Variants in HERC3 observed in about 807,000 individuals in gnomAD.
The protein encoded by HERC3 is probable E3 ubiquitin-protein ligase HERC3.
HERC3 carries 58 observed loss-of-function variants against 129.9 expected under a neutral mutation model. The ratio of observed to expected loss-of-function variants is 0.45; its 90% CI spans 0.36 to 0.56. The LOEUF (loss-of-function observed/expected upper bound fraction) is 0.56. Ranked by LOEUF, HERC3 falls within the 20% of genes least tolerant of loss-of-function variation. The probability of loss-of-function intolerance (pLI) is 0.00; values close to 1 mark genes in which losing one functional copy is unlikely to be tolerated. For synonymous variants in HERC3, 430 were observed against 451.0 expected (o/e 0.95, Z 0.59); for missense variants, 835 against 1,244.2 (o/e 0.67, Z 4.95).
rs1729093123 is a variant in HERC3, at chr4:88,649,898, C to T, written c.285C>T (p.His95=). The change falls in exon 4 of 26, where the codon CAC becomes CAT. Residue 95 remains histidine (H), a synonymous_variant. Transcript: ENST00000402738. ...TTCATGTGGCATGTGGCGAGTCCCA[C>T]AGTCTGGCCCTCAGTGACCGAGGCC... ...HIIHVACGES[H]SLALSDRGQL... is the part of the protein sequence containing the mutation. 6.2e-7 allele frequency: 1 copy of T among 1,614,092 alleles called. No homozygotes were observed. Among genetic ancestry groups the T allele is most frequent in the Non-Finnish European group, 8.5e-7 (1 of 1,179,988 alleles).
rs529881860 is a variant in HERC3 at position 88,672,591 on chromosome 4, G to T, written c.1911+2339G>T. ...TGATGTGTGTTGGCATTTTTAGCTT[G>T]TTAATAGCTGAGGCTGTGTAGTATA... On this transcript the variant is annotated intron_variant, in intron 16 of 25. Transcript: ENST00000402738. Among the ~76,000 whole-genome samples the T allele has an allele frequency of 3.3e-5, 5 of 152,276 alleles. No homozygotes were observed. In the East Asian group the frequency reaches 9.6e-4, roughly 29 times the overall value.
intron 2 of HERC3, among the ~76,000 whole-genome samples, chr4:88,605,426 T>C (rs1246705212): frequency 6.6e-6 from 1 of 152,192 alleles, no homozygotes; most frequent in African/African-American, 2.4e-5. Context: ...TGAGAAAGGA[T>C]AAGGTGAAGT....
intron 2 of HERC3, among the ~76,000 whole-genome samples, chr4:88,601,184 A>G (rs1730052790): frequency 6.6e-6 from 1 of 152,228 alleles, no homozygotes; most frequent in Non-Finnish European, 1.5e-5. Context: ...TCTGTGTAAG[A>G]CAGCAAATTG....
At chr4:88,624,798 T>G (rs1224157221) in intron 3 of HERC3, among the ~76,000 whole-genome samples, 1 of 152,238 alleles carries the variant, frequency 6.6e-6, no homozygotes, top group Admixed American at 6.5e-5. Flanking sequence ...TAATGATTGT[T>G]TTCCTAAGTT....
In HERC3 at chr4:88,613,973, TGATA is replaced by T. The variant is rs573706097; in HGVS notation, c.226+7925_226+7928del. On this transcript the variant is annotated intron_variant, in intron 3 of 25. Coordinates refer to ENST00000402738, the MANE Select transcript of HERC3 (RefSeq NM_014606.3). ...AATTGATCGGAATTTTTTTTCTGTC[TGATA>T]CTCAGCCTACATTCTATAAAGATAC... is the stretch of plus-strand genomic sequence containing the variant. 7.5e-3 allele frequency among the ~76,000 whole-genome samples: 1,145 copies of T among 152,232 alleles called. 9 individuals carry two copies. The highest frequency in any genetic ancestry group is 0.013 in the Non-Finnish European group (855 of 68,012).
intron 25 of HERC3, among the ~76,000 whole-genome samples, chr4:88,704,863 CTT>C (rs1165694315): frequency 1.8e-4 from 23 of 130,554 alleles, no homozygotes; most frequent in Admixed American, 2.2e-4. Flanking sequence ...TTCTTTCTTT[CTT>C]TTTTTTTTTT....
chr4:88,570,762 T>TTTTATTTATTTA, the HERC3 span, among the ~76,000 whole-genome samples: 14 of 149,618 alleles, frequency 9.4e-5, no homozygotes, highest in East Asian at 2.0e-3. Flanking sequence ...TTTATTTTAT[T>TTTTATTTATTTA]TTTATTTATT....
rs1560720400 is a variant in HERC3 at position 88,652,106 on chromosome 4, A to G, written c.463+18A>G. The stretch of plus-strand genomic sequence containing the variant: ...TGCGGCTGGTAAAGTAACATTAAAC[A>G]TATGCTAATGCTATGTTAATTTTGA... On this transcript the variant is annotated intron_variant, in intron 5 of 25. Coordinates refer to ENST00000402738, the MANE Select transcript of HERC3 (RefSeq NM_014606.3). 6.6e-7 allele frequency: 1 copy of G among 1,522,822 alleles called. No homozygotes were observed. The highest frequency in any genetic ancestry group is 9.1e-7 in the Non-Finnish European group (1 of 1,096,994). 94.3% of individuals were successfully genotyped at this position (1,522,822 alleles called of 1,614,324 possible). A position where few individuals can be genotyped will look rare whatever the true frequency, so the allele number is the denominator to read the frequency against.
In HERC3 at chr4:88,697,348, C is replaced by T. The variant is rs746768709; in HGVS notation, c.2658-6750C>T. 1.5e-5 allele frequency: 24 copies of T among 1,613,796 alleles called. No individual in the cohort carries two copies. The highest frequency in any genetic ancestry group is 1.8e-5 in the Non-Finnish European group (21 of 1,179,944). On this transcript the variant is annotated intron_variant, in intron 23 of 25. Coordinates refer to ENST00000402738, the MANE Select transcript of HERC3 (RefSeq NM_014606.3). ...GTACTCCTCTTCCTCCTCCTCCTCC[C>T]CCTCCAAGGTCCATGCACACCCCTC...
chr4:88,623,147 C>G (rs1000009906), intron 3 of HERC3, among the ~76,000 whole-genome samples: 4 of 152,168 alleles, frequency 2.6e-5, no homozygotes, highest in African/African-American at 9.7e-5. Flanking sequence ...ACATCAGATT[C>G]ACCTGGGCAA....
chr4:88,534,511 T>G, the HERC3 span, among the ~76,000 whole-genome samples: 1 of 152,162 alleles, frequency 6.6e-6, no homozygotes, highest in African/African-American at 2.4e-5. Context: ...AAAAAAACTT[T>G]CCAGTCCTCT....
the HERC3 span, among the ~76,000 whole-genome samples, chr4:88,546,524 C>T: frequency 1.1e-4 from 15 of 140,220 alleles, no homozygotes; most frequent in Non-Finnish European, 2.3e-4. Flanking sequence ...TTCCTTCCTT[C>T]CTTCCTTCTT....
chr4:88,659,880 A>G (rs1407762050), intron 10 of HERC3, among the ~76,000 whole-genome samples: 2 of 152,142 alleles, frequency 1.3e-5, no homozygotes, highest in Admixed American at 6.5e-5. Context: ...TATTATTGTA[A>G]TCAACACCTT....
chr4:88,607,058 G>C (rs1460146603), intron 3 of HERC3, among the ~76,000 whole-genome samples: 1 of 152,176 alleles, frequency 6.6e-6, no homozygotes, highest in Non-Finnish European at 1.5e-5. Flanking sequence ...TGTGGCTGCA[G>C]TGATCCTTAT....
At chr4:88,653,773 A>G (rs1729545575) in intron 6 of HERC3, among the ~76,000 whole-genome samples, 1 of 152,194 alleles carries the variant, frequency 6.6e-6, no homozygotes, top group Non-Finnish European at 1.5e-5. Context: ...AACAGCTGGA[A>G]GGGCAAAATG....
the HERC3 span, among the ~76,000 whole-genome samples, chr4:88,579,341 A>C: frequency 1.3e-5 from 2 of 152,084 alleles, no homozygotes; most frequent in Admixed American, 6.6e-5. Flanking sequence ...TGGGAGGCGG[A>C]AGTTGCAGTG....
intron 3 of HERC3, among the ~76,000 whole-genome samples, chr4:88,635,757 A>T (rs759222618): frequency 2.6e-5 from 4 of 152,208 alleles, no homozygotes; most frequent in Non-Finnish European, 5.9e-5. Context: ...GAGAAAGGCC[A>T]TGTCACCTAC....
intron 3 of HERC3, among the ~76,000 whole-genome samples, chr4:88,631,174 T>G (rs535890746): frequency 3.0e-4 from 46 of 152,326 alleles, no homozygotes; most frequent in African/African-American, 1.1e-3. Flanking sequence ...GGTACTACTC[T>G]GGGCCAGGCA....
the HERC3 span, among the ~76,000 whole-genome samples, chr4:88,558,092 A>G: frequency 1.9e-4 from 28 of 150,688 alleles, no homozygotes; most frequent in Admixed American, 6.0e-4. Context: ...AAAAAAAAAA[A>G]AAAGAAAAAA....
Sources: gnomAD v4.1 joint callset for allele counts (sites outside exome capture counted in the v4.1 genomes callset) on GRCh38, gnomAD v4.1.1 for gene constraint, MANE v1.5 for transcripts, NCBI Gene and HGNC (gene_info 2026-07-23, HGNC 2026-07-21) for gene names.